The following NKD2 variants were observed in gnomAD, a reference collection of about 807,000 sequenced individuals.
The protein encoded by NKD2 is protein naked cuticle homolog 2.
NKD2 carries 43 observed loss-of-function variants against 34.8 expected under a neutral mutation model. The ratio of observed to expected loss-of-function variants is 1.24; its 90% CI spans 0.97 to 1.60. NKD2 has a LOEUF of 1.60. Among genes scored for constraint, NKD2 ranks in the 40% most tolerant of loss-of-function variants. The pLI is 0.00. For synonymous variants in NKD2, 278 were observed against 265.1 expected (o/e 1.05, Z -0.47); for missense variants, 675 against 627.1 (o/e 1.08, Z -0.82).
Position 1,032,197 on chromosome 5 carries a change from C to T in NKD2, c.187C>T (p.Gln63Ter). 6.2e-7 allele frequency: 1 copy of T among 1,609,818 alleles called. No individual in the cohort carries two copies. The highest frequency in any genetic ancestry group is 8.5e-7 in the Non-Finnish European group (1 of 1,178,502). The stretch of plus-strand genomic sequence containing the variant: ...CAAGGAGGGGCCTTTCCGGGAGGAC[C>T]AGTGTCCCCTACAGGGTGAGTGCAG... ...DPKEGPFRED[Q>*]CPLQVALPAE... The change falls in exon 4 of 10, where the codon CAG (glutamine) becomes TAG (stop). Residue 63 changes from glutamine (Q) to a stop codon, truncating the protein, a stop_gained. Coordinates refer to ENST00000296849, the MANE Select transcript of NKD2 (RefSeq NM_033120.4). LOFTEE classifies it high-confidence loss of function.
intron 9 of NKD2, among the ~76,000 whole-genome samples, chr5:1,037,258 C>A (rs116390990): frequency 1.5e-3 from 230 of 152,268 alleles, no homozygotes; most frequent in African/African-American, 5.2e-3. Context: ...TCTCTCATAA[C>A]CCCGGCTTCA....
At chr5:1,024,697 G>T (rs1189423548) in intron 3 of NKD2, among the ~76,000 whole-genome samples, 3 of 65,412 alleles carry the variant, frequency 4.6e-5, no homozygotes, top group Admixed American at 1.6e-4. Context: ...CCAGCCCATT[G>T]TCCCTGCTCT....
intron 3 of NKD2, among the ~76,000 whole-genome samples, chr5:1,026,708 C>T (rs1269987910): frequency 2.0e-5 from 3 of 152,248 alleles, no homozygotes; most frequent in Non-Finnish European, 4.4e-5. Flanking sequence ...CCCAAAGCTC[C>T]CCTCCCTGAG....
rs1336361021 is a variant in NKD2 at position 1,035,188 on chromosome 5, TAATGAGTGAACGAGTGAGTTAATG to T, written c.575-165_575-142del. 2.2e-3 allele frequency among the ~76,000 whole-genome samples: 326 copies of T among 151,416 alleles called. 1 individual carries two copies. The highest frequency in any genetic ancestry group is 6.9e-3 in the African/African-American group (284 of 41,080). On this transcript the variant is annotated intron_variant, in intron 7 of 9. Transcript: ENST00000296849. ...AGTGAGTGTTAATGAATGAGTGAGT[TAATGAGTGAACGAGTGAGTTAATG>T]AATGAGTGAACGAGTGAGTTAATGA... is the stretch of plus-strand genomic sequence containing the variant.
chr5:1,026,079 C>T (rs868488110), intron 3 of NKD2, among the ~76,000 whole-genome samples: 201 of 52,016 alleles, frequency 3.9e-3, no homozygotes, highest in East Asian at 0.011. Flanking sequence ...CCGCTGTGGG[C>T]GTCTCAGCCC....
chr5:1,033,415 A>C lies in NKD2; in HGVS notation c.246A>C (p.Gly82=). 1 of 1,595,434 alleles carries C rather than the reference A, an allele frequency of 6.3e-7. No homozygotes were observed. Among genetic ancestry groups the C allele is most frequent in the East Asian group, 2.3e-5 (1 of 43,566 alleles). The change falls in exon 5 of 10, where the codon GGA becomes GGC. Residue 82 remains glycine (G), a synonymous_variant. Transcript: ENST00000296849. ...AAGCTGAGGGCCGCGAGCACCCGGG[A>C]CAACTCCTCAGCGCAGATGACGGAG... ...AEKAEGREHP[G]QLLSADDGER...
chr5:1,034,699 G>T, intron 6 of NKD2, 57 bp from the exon 7 acceptor site: 3 of 1,562,686 alleles, frequency 1.9e-6, no homozygotes, highest in Non-Finnish European at 2.6e-6. Context: ...CTGGCAGGGA[G>T]GGCGGGTGGT....
rs756842928 is a variant in NKD2 at position 1,035,394 on chromosome 5, G to T, written c.580G>T (p.Glu194Ter). ...TGGCAGGACCCCCCTTTCAGACCGG[G>T]AGCCCACCCGTTGCAGGATGGAGGG... ...KEGPPAGQDREPTRCRMEGEL... is the reference protein window; with the variant it reads ...KEGPPAGQDR Residue 194 changes from glutamate to a stop codon, truncating the protein, a stop_gained, in exon 8 of 10, where the codon GAG (glutamate) becomes TAG (stop). Transcript: ENST00000296849. LOFTEE classifies it high-confidence loss of function. 1 of 1,557,472 alleles carries T rather than the reference G, an allele frequency of 6.4e-7. No individual in the cohort carries two copies. The highest frequency in any genetic ancestry group is 2.4e-5 in the East Asian group (1 of 41,404).
chr5:1,038,300 T>A lies in NKD2; in HGVS notation c.1283T>A (p.Ile428Asn). ...GGAGAGGGCTACGCGGTGCCAGTGA[T>A]CCAGCGGCACGAGCACCACCACCAC... ...PAGEGYAVPV[I>N]QRHEHHHHHE... The change falls in exon 10 of 10, where the codon ATC becomes AAC. Residue 428 changes from isoleucine (I) to asparagine (N), a missense_variant. Ile to Asn is a moderately radical substitution (Grantham distance 149). Coordinates refer to ENST00000296849, the MANE Select transcript of NKD2 (RefSeq NM_033120.4). The surrounding 1 kb of genome is among the most constrained non-coding windows in gnomAD (Gnocchi z 4.5). 1 of 1,549,060 alleles carries A rather than the reference T, an allele frequency of 6.5e-7. No homozygotes were observed. The highest frequency in any genetic ancestry group is 8.7e-7 in the Non-Finnish European group (1 of 1,153,318).
chr5:1,010,302 C>CTGTA (rs1755702088), intron 3 of NKD2, among the ~76,000 whole-genome samples: 2 of 152,226 alleles, frequency 1.3e-5, no homozygotes, highest in Admixed American at 1.3e-4. Context: ...TCAGTGTGAA[C>CTGTA]TGTATCGGTG....
chr5:1,031,042 A>G (rs1756625909), intron 3 of NKD2, among the ~76,000 whole-genome samples: 1 of 152,096 alleles, frequency 6.6e-6, no homozygotes, highest in African/African-American at 2.4e-5. Flanking sequence ...ACCTTCCACC[A>G]TACCCTGTTT....
rs1293600014 is a variant in NKD2, at chr5:1,038,370, C to T, written c.1353C>T (p.Ser451=). 5.2e-6 allele frequency: 8 copies of T among 1,535,828 alleles called. No individual in the cohort carries two copies. Among genetic ancestry groups the T allele is most frequent in the Non-Finnish European group, 7.0e-6 (8 of 1,146,958 alleles). The part of the protein sequence containing the change: ...HHHHHHHFHP[S] ...ACCACCACCACCACTTCCACCCGTC[C>T]TAGCGCCACTGCCAAGCACACCTCG... The change falls in exon 10 of 10, where the codon TCC becomes TCT. Residue 451 remains serine (S), a synonymous_variant. Transcript: ENST00000296849. This position sits in a 1 kb window ranked among gnomAD's most constrained non-coding sequence, Gnocchi z 4.5.
At chr5:1,028,515 G>A (rs964492097) in intron 3 of NKD2, among the ~76,000 whole-genome samples, 6 of 152,072 alleles carry the variant, frequency 3.9e-5, no homozygotes, top group African/African-American at 1.4e-4. Context: ...GCCCACGGTC[G>A]GGTTCCTGTC....
rs763050919 is a variant in NKD2, at chr5:1,038,247, G to A, written c.1230G>A (p.Val410=). 18 of 1,586,974 alleles carry A rather than the reference G, an allele frequency of 1.1e-5. No individual in the cohort carries two copies. In the Admixed American group the frequency reaches 1.4e-4, roughly 12 times the overall value. ...HAQPATVEHE[V]VRDLPPTPAG... The stretch of plus-strand genomic sequence containing the variant: ...AGCCTGCCACAGTGGAGCACGAGGT[G>A]GTGCGGGACCTGCCGCCCACGCCAG... Residue 410 remains valine (V), a synonymous_variant, in exon 10 of 10, where the codon GTG becomes GTA. Transcript: ENST00000296849. The surrounding 1 kb of genome is among the most constrained non-coding windows in gnomAD (Gnocchi z 4.5).
intron 3 of NKD2, among the ~76,000 whole-genome samples, chr5:1,018,087 G>C (rs558180424): frequency 6.8e-4 from 103 of 152,262 alleles, no homozygotes; most frequent in African/African-American, 2.3e-3. Flanking sequence ...CCTGGAGGAC[G>C]GGACGGTAGC....
Position 1,031,165 on chromosome 5 carries a change from C to A in NKD2, c.142-987C>A, listed in dbSNP as rs372814573. Reference sequence around the variant, plus strand: ...GCCAGACTCCAGGAACCCCAGGGACCCCGGCAGGGCAGACAGCCCCATAGG... The same window carrying A: ...GCCAGACTCCAGGAACCCCAGGGACACCGGCAGGGCAGACAGCCCCATAGG... On this transcript the variant is annotated intron_variant, in intron 3 of 9. Coordinates refer to ENST00000296849, the MANE Select transcript of NKD2 (RefSeq NM_033120.4). Among the ~76,000 whole-genome samples the A allele has an allele frequency of 5.9e-5, 9 of 152,242 alleles. No individual in the cohort carries two copies. The South Asian group carries it at 1.0e-3, about 18-fold the overall frequency.
At position 1,038,203 on chromosome 5, in the gene NKD2, C is replaced by G. The variant is rs1389757710; in HGVS notation, c.1186C>G (p.Leu396Val). 1.3e-6 allele frequency: 2 copies of G among 1,591,274 alleles called. No homozygotes were observed. The highest frequency in any genetic ancestry group is 1.7e-5 in the Admixed American group (1 of 57,650). Residue 396 changes from leucine to valine, a missense_variant, in exon 10 of 10, where the codon CTC (leucine) becomes GTC (valine). Transcript: ENST00000296849. This position sits in a 1 kb window ranked among gnomAD's most constrained non-coding sequence, Gnocchi z 4.5. ...AAAGGGCAGGGAGGGCCACTCGCCA[C>G]TCAAGGCCCCACACGCTCAGCCTGC... ...RQKGREGHSP[L>V]KAPHAQPATV...
At chr5:1,016,080 C>T (rs957342355) in intron 3 of NKD2, among the ~76,000 whole-genome samples, 1 of 152,234 alleles carries the variant, frequency 6.6e-6, no homozygotes, top group African/African-American at 2.4e-5. Context: ...TGAGAGGGGT[C>T]TGCCCAGGTA....
In NKD2 at chr5:1,038,852, G is replaced by C. The variant is rs183873875; in HGVS notation, c.*479G>C. The C allele has an allele frequency of 3.4e-6, 1 of 296,474 alleles. No homozygotes were observed. Among genetic ancestry groups the C allele is most frequent in the African/African-American group, 2.2e-5 (1 of 45,866 alleles). The allele number at this position is 296,474 out of a possible 1,614,324, so 18.4% of individuals were successfully genotyped here. The stretch of plus-strand genomic sequence containing the variant: ...TGAAGTGAGAGGGGACAGGGCCGGT[G>C]GGGGGAAGCAGCTTGTGCTTAGCAG... On this transcript the variant is annotated 3_prime_UTR_variant, in exon 10 of 10. Transcript: ENST00000296849. This position sits in a 1 kb window ranked among gnomAD's most constrained non-coding sequence, Gnocchi z 4.5.
Sources: allele counts gnomAD v4.1 joint callset (sites outside exome capture counted in the v4.1 genomes callset), GRCh38; gene constraint gnomAD v4.1.1; non-coding constraint Gnocchi (gnomAD v3.1); transcripts MANE v1.5; gene names NCBI Gene and HGNC (gene_info 2026-07-23, HGNC 2026-07-21).